The following NRXN2 variants were observed in gnomAD, a reference collection of about 807,000 sequenced individuals.
NRXN2 encodes the protein neurexin 2.
Under a neutral mutation model 128.8 loss-of-function variants are expected in NRXN2, and 29 were observed. That is an observed-to-expected ratio of 0.23 (90% CI 0.17 to 0.31). The LOEUF (loss-of-function observed/expected upper bound fraction) is 0.31. Among genes scored for constraint, NRXN2 ranks in the 10% least tolerant of loss-of-function variants. The pLI is 1.00. For synonymous variants in NRXN2, 1,098 were observed against 1,075.2 expected (o/e 1.02, Z -0.41); for missense variants, 1,881 against 2,452.6 (o/e 0.77, Z 4.92).
At chr11:64,708,973 C>A (rs2666563) in intron 2 of NRXN2, among the ~76,000 whole-genome samples, 77,174 of 151,936 alleles carry the variant, frequency 0.51, 22,965 homozygotes, top group Non-Finnish European at 0.68. Context: ...GGGCGGATCA[C>A]TTGAGGCCGG....
chr11:64,679,920 C>T (rs915545167), intron 6 of NRXN2, among the ~76,000 whole-genome samples: 1 of 152,180 alleles, frequency 6.6e-6, no homozygotes, highest in Non-Finnish European at 1.5e-5. Context: ...CAGCCCAGGC[C>T]TTCCCTATGG....
Position 64,630,296 on chromosome 11 carries a change from G to GC in NRXN2, c.3757+105dup, listed in dbSNP as rs2043700539. ...AGTAGCCCCGCCCCAGAGCCGCTTA[G>GC]CCCCGCCCCAGAGCCGCTTAGCCCC... On this transcript the variant is annotated intron_variant, in intron 19 of 22. Transcript: ENST00000265459. This position sits in a 1 kb window ranked among gnomAD's most constrained non-coding sequence, Gnocchi z 4.6. 9.2e-7 allele frequency: 1 copy of GC among 1,091,306 alleles called. No homozygotes were observed. Among genetic ancestry groups the GC allele is most frequent in the Non-Finnish European group, 1.3e-6 (1 of 783,982 alleles). 67.6% of individuals were successfully genotyped at this position (1,091,306 alleles called of 1,614,324 possible).
Position 64,644,751 on chromosome 11 carries a change from T to C in NRXN2, c.3403+3468A>G, listed in dbSNP as rs139828107. Among the ~76,000 whole-genome samples, 131 of 140,642 alleles carry C rather than the reference T, an allele frequency of 9.3e-4. 1 individual carries two copies. The highest frequency in any genetic ancestry group is 3.3e-3 in the African/African-American group (122 of 36,904). 92.3% of individuals were successfully genotyped at this position (140,642 alleles called of 152,430 possible). On this transcript the variant is annotated intron_variant, in intron 17 of 22. Transcript: ENST00000265459. ...AGTGCAGCGGAGTGAGGAGGAGGGCTGGGTAAGGAAAGGACAGGAGGCAGG... is the reference window on the plus strand; with the variant it reads ...AGTGCAGCGGAGTGAGGAGGAGGGCCGGGTAAGGAAAGGACAGGAGGCAGG...
chr11:64,653,767 G>A (rs1367643012), intron 11 of NRXN2, 45 bp from the exon 12 acceptor site: 10 of 1,443,524 alleles, frequency 6.9e-6, no homozygotes, highest in African/African-American at 1.4e-5. Context: ...GAGACAAAAA[G>A]GTAAAACAAG....
At chr11:64,633,897 C>T (rs1276691030) in intron 18 of NRXN2, among the ~76,000 whole-genome samples, 1 of 152,152 alleles carries the variant, frequency 6.6e-6, no homozygotes, top group East Asian at 1.9e-4. Context: ...GCTTGCTAGT[C>T]CTCCTTCTGC....
At chr11:64,695,672 A>G (rs1274395939) in intron 3 of NRXN2, among the ~76,000 whole-genome samples, 1 of 152,042 alleles carries the variant, frequency 6.6e-6, no homozygotes, top group Non-Finnish European at 1.5e-5. Flanking sequence ...AGGCACACAG[A>G]CATGTCTCAG....
At chr11:64,613,252 G>T (rs2040953190) in intron 22 of NRXN2, among the ~76,000 whole-genome samples, 1 of 152,272 alleles carries the variant, frequency 6.6e-6, no homozygotes, top group Admixed American at 6.5e-5. Flanking sequence ...GTGCATGTCA[G>T]TGAGTGGACC....
rs577067875 is a variant in NRXN2 at position 64,622,151 on chromosome 11, C to A, written c.4173+602G>T. On this transcript the variant is annotated intron_variant, in intron 21 of 22. Coordinates refer to ENST00000265459, the MANE Select transcript of NRXN2 (RefSeq NM_015080.4). The surrounding 1 kb of genome is among the most constrained non-coding windows in gnomAD (Gnocchi z 4.3). Reference sequence around the variant, plus strand: ...GAAGCTGCCTGAGTTGTGGTGCCTGCTCATAGTCACATGGAGAGGGCTTGT... The same window carrying A: ...GAAGCTGCCTGAGTTGTGGTGCCTGATCATAGTCACATGGAGAGGGCTTGT... Among the ~76,000 whole-genome samples the A allele has an allele frequency of 1.8e-4, 27 of 152,320 alleles. No individual in the cohort carries two copies. In the East Asian group the frequency reaches 5.2e-3, roughly 29 times the overall value.
chr11:64,704,767 A>C (rs1020406471), intron 2 of NRXN2, among the ~76,000 whole-genome samples: 10 of 152,154 alleles, frequency 6.6e-5, no homozygotes, highest in Admixed American at 2.0e-4. Context: ...GTCAGGCATC[A>C]TCTCAGGCAG....
intron 3 of NRXN2, among the ~76,000 whole-genome samples, chr11:64,696,185 A>C (rs549806988): frequency 5.3e-5 from 8 of 151,932 alleles, no homozygotes; most frequent in Non-Finnish European, 1.2e-4. Context: ...GAGCAAGTAA[A>C]AGTCACATCA....
In NRXN2 at chr11:64,620,376, A is replaced by AG; in HGVS notation, c.4174-5dup. ...CCACCAGCAGGTCATCTGTGTTCTG[A>AG]GGGGCGAGAGAAGGGGTGGGGAAAG... is the stretch of plus-strand genomic sequence containing the variant. On this transcript the variant is annotated splice_polypyrimidine_tract_variant and splice_region_variant and intron_variant, in intron 21 of 22. Transcript: ENST00000265459. 1.3e-6 allele frequency: 2 copies of AG among 1,551,806 alleles called. No homozygotes were observed. The highest frequency in any genetic ancestry group is 1.7e-6 in the Non-Finnish European group (2 of 1,147,164).
chr11:64,635,026 G>A lies in NRXN2; in HGVS notation c.3585+245C>T, dbSNP rs1408329081. Among the ~76,000 whole-genome samples, 1 of 152,220 alleles carries A rather than the reference G, an allele frequency of 6.6e-6. No individual in the cohort carries two copies. Among genetic ancestry groups the A allele is most frequent in the Non-Finnish European group, 1.5e-5 (1 of 68,032 alleles). On this transcript the variant is annotated intron_variant, in intron 18 of 22. Transcript: ENST00000265459. This position sits in a 1 kb window ranked among gnomAD's most constrained non-coding sequence, Gnocchi z 4.8. ...CAGAAAACACAGGTGGTCTCAGGGA[G>A]TGGGGAGCTGGAGAAATTCGAATCA...
At chr11:64,642,969 T>C in intron 17 of NRXN2, 1 of 1,015,152 alleles carries the variant, frequency 9.9e-7, no homozygotes, top group Non-Finnish European at 1.2e-6. Flanking sequence ...CAAAATCAAC[T>C]GGATCCCGCC....
In NRXN2 at chr11:64,714,237, C is replaced by G. The variant is rs1406999150; in HGVS notation, c.-244-294G>C. 3.3e-5 allele frequency among the ~76,000 whole-genome samples: 5 copies of G among 152,068 alleles called. No individual in the cohort carries two copies. In the South Asian group the frequency reaches 1.0e-3, roughly 32 times the overall value. On this transcript the variant is annotated intron_variant, in intron 1 of 22. Coordinates refer to ENST00000265459, the MANE Select transcript of NRXN2 (RefSeq NM_015080.4). This position sits in a 1 kb window ranked among gnomAD's most constrained non-coding sequence, Gnocchi z 4.5. ...CAACCTCAGCCCGCTCCCTCACCCTCTCAAAGGACCCCAGTGTCAGGAAGG... is the reference window on the plus strand; with the variant it reads ...CAACCTCAGCCCGCTCCCTCACCCTGTCAAAGGACCCCAGTGTCAGGAAGG...
At chr11:64,694,061 C>T (rs573557319) in intron 3 of NRXN2, among the ~76,000 whole-genome samples, 23 of 152,276 alleles carry the variant, frequency 1.5e-4, no homozygotes, top group African/African-American at 5.1e-4. Flanking sequence ...TGGATCAGTA[C>T]CCTTGTCCCC....
At chr11:64,702,525 A>G (rs1189219876) in intron 2 of NRXN2, among the ~76,000 whole-genome samples, 1 of 151,998 alleles carries the variant, frequency 6.6e-6, no homozygotes, top group Admixed American at 6.6e-5. Context: ...TCTCTGAAAC[A>G]TGTGCTGTAT....
At chr11:64,643,118 GGGAGGGGGCATGGTGCCGAGT>G (rs1192513953) in intron 17 of NRXN2, 1 of 985,314 alleles carries the variant, frequency 1.0e-6, no homozygotes, top group Non-Finnish European at 1.2e-6. Flanking sequence ...GAGCGCCCGG[GGGAGGGGGCATGGTGCCGAGT>G]GGAGAGGGAG....
In NRXN2 at chr11:64,651,311, A is replaced by C. The variant is rs376729262; in HGVS notation, c.2862T>G (p.Leu954=). The part of the protein sequence containing the change: ...FQFKTTAPDG[L]LLFNSGNGND... ...TGCCGTTGCCCGAGTTGAACAGAAG[A>C]AGCCCATCAGGGGCCGTGGTCTTGA... Residue 954 remains leucine (L), a synonymous_variant, in exon 14 of 23, where the codon CTT becomes CTG. Coordinates refer to ENST00000265459, the MANE Select transcript of NRXN2 (RefSeq NM_015080.4). This position sits in a 1 kb window ranked among gnomAD's most constrained non-coding sequence, Gnocchi z 5.9. 3.8e-5 allele frequency: 62 copies of C among 1,614,076 alleles called. No individual in the cohort carries two copies. Among genetic ancestry groups the C allele is most frequent in the Middle Eastern group, 1.6e-4 (1 of 6,084 alleles).
chr11:64,622,636 A>G lies in NRXN2; in HGVS notation c.4173+117T>C. The G allele has an allele frequency of 7.1e-7, 1 of 1,418,436 alleles. No homozygotes were observed. 87.9% of individuals were successfully genotyped at this position (1,418,436 alleles called of 1,614,324 possible). A position where few individuals can be genotyped will look rare whatever the true frequency, so the allele number is the denominator to read the frequency against. ...AACAAAGTCAGCGACAGCAGCCTTC[A>G]GGATCCCAACAGACCCCTTGGACCC... is the stretch of plus-strand genomic sequence containing the variant. On this transcript the variant is annotated intron_variant, in intron 21 of 22. Transcript: ENST00000265459. This position sits in a 1 kb window ranked among gnomAD's most constrained non-coding sequence, Gnocchi z 4.3.
Sources: allele counts gnomAD v4.1 joint callset (sites outside exome capture counted in the v4.1 genomes callset), GRCh38; gene constraint gnomAD v4.1.1; non-coding constraint Gnocchi (gnomAD v3.1); transcripts MANE v1.5; gene names NCBI Gene and HGNC (gene_info 2026-07-23, HGNC 2026-07-21).